FRS2: variants seen among roughly 807,000 people sequenced by gnomAD.
FRS2 encodes FGFR signalling adaptor.
A neutral mutation model predicts 43.9 loss-of-function variants in FRS2; 8 were observed. The observed-to-expected ratio is 0.18, with a 90% confidence interval of 0.11 to 0.33. The LOEUF (loss-of-function observed/expected upper bound fraction) is 0.33, where lower values mean the gene tolerates loss of function less well. Ranked by LOEUF, FRS2 falls within the 10% of genes least tolerant of loss-of-function variation. FRS2 has a pLI of 1.00. For missense variants in FRS2, 534 were observed against 627.6 expected (o/e 0.85, Z 1.59); for synonymous variants, 219 against 220.3 (o/e 0.99, Z 0.05).
At chr12:69,489,545 C>G (rs1252581635) in intron 1 of FRS2, among the ~76,000 whole-genome samples, 1 of 151,890 alleles carries the variant, frequency 6.6e-6, no homozygotes, top group Admixed American at 6.6e-5. Context: ...TGGCGCATGC[C>G]TGTAGTCCCA....
At chr12:69,548,443 A>G (rs745474146) in intron 3 of FRS2, among the ~76,000 whole-genome samples, 27 of 152,246 alleles carry the variant, frequency 1.8e-4, no homozygotes, top group Non-Finnish European at 3.7e-4. Context: ...TGAAATGTGT[A>G]AGTAATTCCT....
intron 4 of FRS2, among the ~76,000 whole-genome samples, chr12:69,567,599 T>C (rs1485060564): frequency 6.6e-6 from 1 of 152,174 alleles, no homozygotes; most frequent in Non-Finnish European, 1.5e-5. Context: ...GATGCTATGA[T>C]ACTAGGAAGC....
chr12:69,536,958 G>A (rs981708553), intron 3 of FRS2, among the ~76,000 whole-genome samples: 1 of 151,986 alleles, frequency 6.6e-6, no homozygotes, highest in African/African-American at 2.4e-5. Flanking sequence ...TGTTGAGTTG[G>A]ACATATATAT....
intron 4 of FRS2, among the ~76,000 whole-genome samples, chr12:69,568,307 G>A (rs1224243341): frequency 6.6e-6 from 1 of 152,138 alleles, no homozygotes; most frequent in East Asian, 1.9e-4. Context: ...ATGAACTCTT[G>A]TCTTGTGGAG....
At chr12:69,536,403 G>T (rs918376571) in intron 3 of FRS2, among the ~76,000 whole-genome samples, 1 of 151,758 alleles carries the variant, frequency 6.6e-6, no homozygotes, top group Non-Finnish European at 1.5e-5. Flanking sequence ...GATTACAGGC[G>T]TGAGTCCCCG....
chr12:69,510,641 A>G (rs1385499781), intron 1 of FRS2, among the ~76,000 whole-genome samples: 2 of 152,148 alleles, frequency 1.3e-5, no homozygotes, highest in Non-Finnish European at 2.9e-5. Flanking sequence ...ATGTGTAGTG[A>G]TTAGGCGTGT....
intron 1 of FRS2, among the ~76,000 whole-genome samples, chr12:69,505,461 A>T (rs1281236875): frequency 1.3e-5 from 2 of 152,226 alleles, no homozygotes; most frequent in Admixed American, 1.3e-4. Context: ...ACTAGGGAAA[A>T]TGTTTGCTTT....
intron 3 of FRS2, among the ~76,000 whole-genome samples, chr12:69,558,517 G>A (rs75414975): frequency 1.3e-5 from 2 of 152,090 alleles, no homozygotes; most frequent in African/African-American, 4.8e-5. Context: ...GGAACTACCT[G>A]GTTCTCCTGG....
chr12:69,502,051 C>T (rs986549243), intron 1 of FRS2, among the ~76,000 whole-genome samples: 1 of 151,886 alleles, frequency 6.6e-6, no homozygotes, highest in Non-Finnish European at 1.5e-5. Context: ...CTGAAACCTC[C>T]GCCTTCTGGA....
At chr12:69,546,419 G>A (rs767068974) in intron 3 of FRS2, among the ~76,000 whole-genome samples, 2 of 152,084 alleles carry the variant, frequency 1.3e-5, no homozygotes, top group African/African-American at 4.8e-5. Context: ...CACCACACCT[G>A]GCTAATTTTT....
intron 1 of FRS2, among the ~76,000 whole-genome samples, chr12:69,479,684 C>T (rs1871190925): frequency 6.6e-6 from 1 of 152,174 alleles, no homozygotes; most frequent in African/African-American, 2.4e-5. Context: ...GTGCAAGCCA[C>T]TGTGCCTGGA....
chr12:69,559,674 CT>C (rs1326944389), intron 3 of FRS2, among the ~76,000 whole-genome samples: 1 of 151,798 alleles, frequency 6.6e-6, no homozygotes, highest in Non-Finnish European at 1.5e-5. Flanking sequence ...CCCTCCTTAG[CT>C]TTTTTTCTTA....
intron 1 of FRS2, among the ~76,000 whole-genome samples, chr12:69,477,247 T>C (rs984297474): frequency 2.0e-5 from 3 of 151,482 alleles, no homozygotes; most frequent in Non-Finnish European, 2.9e-5. Context: ...CTATCTTACA[T>C]GCATGTCGAC....
At chr12:69,572,074 C>A (rs750848012) in intron 7 of FRS2, 44 bp from the exon 8 acceptor site, 1 of 1,532,452 alleles carries the variant, frequency 6.5e-7, no homozygotes, top group Non-Finnish European at 9.0e-7. Flanking sequence ...TTTATTCTCT[C>A]TGCCCCGCCC....
intron 1 of FRS2, among the ~76,000 whole-genome samples, chr12:69,510,473 G>T (rs1248488939): frequency 1.3e-5 from 2 of 152,126 alleles, no homozygotes; most frequent in African/African-American, 4.8e-5. Context: ...GCCCATGATA[G>T]ATAATAAATA....
rs1473955286 is a variant in FRS2, at chr12:69,575,000, A to G, written c.*45A>G. On this transcript the variant is annotated 3_prime_UTR_variant, in exon 9 of 9. Transcript: ENST00000549921. ...GTTTGCACCTTTGTGAAGTTTTTAAAAATGAAGATGCAAGTGCTTCATTTT... is the reference window on the plus strand; with the variant it reads ...GTTTGCACCTTTGTGAAGTTTTTAAGAATGAAGATGCAAGTGCTTCATTTT... The G allele has an allele frequency of 7.9e-7, 1 of 1,258,100 alleles. No individual in the cohort carries two copies. Among genetic ancestry groups the G allele is most frequent in the East Asian group, 2.3e-5 (1 of 42,854 alleles). 77.9% of individuals were successfully genotyped at this position (1,258,100 alleles called of 1,614,324 possible). A position where few individuals can be genotyped will look rare whatever the true frequency, so the allele number is the denominator to read the frequency against.
At chr12:69,516,806 G>A (rs1875100866) in intron 1 of FRS2, among the ~76,000 whole-genome samples, 2 of 151,998 alleles carry the variant, frequency 1.3e-5, no homozygotes, top group African/African-American at 4.8e-5. Context: ...TTGCATAAAA[G>A]CAGTTGATGT....
At chr12:69,509,273 T>C (rs890848042) in intron 1 of FRS2, among the ~76,000 whole-genome samples, 1 of 152,154 alleles carries the variant, frequency 6.6e-6, no homozygotes, top group Non-Finnish European at 1.5e-5. Context: ...CAGACTCTTA[T>C]CAGGGATAGG....
intron 1 of FRS2, among the ~76,000 whole-genome samples, chr12:69,491,369 T>G (rs1358353802): frequency 6.6e-6 from 1 of 152,134 alleles, no homozygotes; most frequent in Admixed American, 6.6e-5. Flanking sequence ...GTGCTGCGAT[T>G]AATAGTCGTG....
Sources: gnomAD v4.1 joint callset for allele counts (sites outside exome capture counted in the v4.1 genomes callset) on GRCh38, gnomAD v4.1.1 for gene constraint, MANE v1.5 for transcripts, NCBI Gene and HGNC (gene_info 2026-07-23, HGNC 2026-07-21) for gene names.